The following PARD3B variants were observed in gnomAD, a reference collection of about 807,000 sequenced individuals.
PARD3B encodes the protein par-3 family cell polarity regulator beta, also known as partitioning defective 3 homolog B.
PARD3B carries 103 observed loss-of-function variants against 130.2 expected under a neutral mutation model. The observed-to-expected ratio is 0.79, with a 90% CI of 0.67 to 0.93. PARD3B has a LOEUF of 0.93. Among genes scored for constraint, PARD3B ranks in the 40% least tolerant of loss-of-function variants. The pLI is 0.00. For missense variants in PARD3B, 1,609 were observed against 1,499.2 expected, an observed-to-expected ratio of 1.07 and a Z score of -1.21; for synonymous variants, 583 against 553.2, an observed-to-expected ratio of 1.05 and a Z score of -0.76.
intron 1 of PARD3B, among the ~76,000 whole-genome samples, chr2:204,668,571 G>T (rs1432361332): frequency 6.6e-6 from 1 of 152,102 alleles, no homozygotes; most frequent in Non-Finnish European, 1.5e-5. Context: ...AGCTTAATTT[G>T]TAACCCTTTT....
chr2:204,620,688 G>A (rs1314172919), intron 1 of PARD3B, among the ~76,000 whole-genome samples: 2 of 152,112 alleles, frequency 1.3e-5, no homozygotes, highest in African/African-American at 4.8e-5. Context: ...TGTATAGAGG[G>A]CACTAACTGT....
intron 1 of PARD3B, among the ~76,000 whole-genome samples, chr2:204,562,276 G>A (rs1231468900): frequency 6.6e-6 from 1 of 152,142 alleles, no homozygotes; most frequent in African/African-American, 2.4e-5. Context: ...ACACAGGATG[G>A]ACCATCAGAT....
chr2:205,415,533 G>A (rs768425874), intron 19 of PARD3B, among the ~76,000 whole-genome samples: 15 of 152,088 alleles, frequency 9.9e-5, no homozygotes, highest in African/African-American at 3.1e-4. Flanking sequence ...TACGACTTAA[G>A]GTAAAAATGG....
At chr2:204,773,527 C>G (rs2041480967) in intron 2 of PARD3B, among the ~76,000 whole-genome samples, 1 of 152,076 alleles carries the variant, frequency 6.6e-6, no homozygotes, top group Non-Finnish European at 1.5e-5. Flanking sequence ...TTACAAAACT[C>G]AACGTTACTG....
intron 3 of PARD3B, among the ~76,000 whole-genome samples, chr2:204,988,487 G>C (rs1693371497): frequency 6.6e-6 from 1 of 152,232 alleles, no homozygotes; most frequent in Non-Finnish European, 1.5e-5. Context: ...ATAACTAAAA[G>C]ATTGTAATTG....
chr2:204,742,020 T>C (rs561681000), intron 2 of PARD3B, among the ~76,000 whole-genome samples: 3 of 152,162 alleles, frequency 2.0e-5, no homozygotes, highest in African/African-American at 7.2e-5. Flanking sequence ...TCACCCAGGA[T>C]CTACTTACTC....
intron 21 of PARD3B, among the ~76,000 whole-genome samples, chr2:205,534,836 C>T (rs973715240): frequency 1.3e-5 from 2 of 152,176 alleles, no homozygotes; most frequent in Admixed American, 6.5e-5. Flanking sequence ...ACGTATTCCT[C>T]ATGCTTAGAA....
intron 18 of PARD3B, among the ~76,000 whole-genome samples, chr2:205,388,463 G>A (rs181203463): frequency 2.4e-4 from 37 of 152,268 alleles, no homozygotes; most frequent in Admixed American, 2.4e-3. Flanking sequence ...TGGTCAAATT[G>A]TAAATCATCA....
rs200407876 is a variant in PARD3B, at chr2:205,301,800, C to T, written c.2630+99C>T. 161 of 1,569,908 alleles carry T rather than the reference C, an allele frequency of 1.0e-4. 1 individual carries two copies. Among genetic ancestry groups the T allele is most frequent in the East Asian group, 6.7e-5 (3 of 44,690 alleles). The stretch of plus-strand genomic sequence containing the variant: ...TCAGAAAAAAGCGCACGCTTTTCCT[C>T]GTCTTCAGCCAAATGCATACGGCTC... On this transcript the variant is annotated intron_variant, in intron 18 of 22. Transcript: ENST00000406610. This position sits in a 1 kb window ranked among gnomAD's most constrained non-coding sequence, Gnocchi z 5.2.
chr2:204,635,814 T>C (rs1319092647), intron 1 of PARD3B, among the ~76,000 whole-genome samples: 3 of 152,240 alleles, frequency 2.0e-5, no homozygotes, highest in African/African-American at 7.2e-5. Flanking sequence ...AAATGCTTTG[T>C]AAATTATTAA....
At chr2:205,162,780 A>G (rs534871487) in intron 11 of PARD3B, among the ~76,000 whole-genome samples, 2 of 152,308 alleles carry the variant, frequency 1.3e-5, no homozygotes, top group East Asian at 3.9e-4. Context: ...AAATGTCCCT[A>G]AATCCACATC....
intron 3 of PARD3B, among the ~76,000 whole-genome samples, chr2:204,975,271 T>G (rs189356858): frequency 6.6e-6 from 1 of 152,300 alleles, no homozygotes; most frequent in East Asian, 1.9e-4. Context: ...GATTCGACAG[T>G]CTTCATTGAC....
intron 16 of PARD3B, among the ~76,000 whole-genome samples, chr2:205,260,511 A>G (rs1282409873): frequency 6.6e-6 from 1 of 152,030 alleles, no homozygotes; most frequent in Non-Finnish European, 1.5e-5. Context: ...GGGAGGTCAT[A>G]TTTGGTTGGC....
chr2:205,132,492 T>G (rs2032092993), intron 10 of PARD3B, among the ~76,000 whole-genome samples: 1 of 152,120 alleles, frequency 6.6e-6, no homozygotes, highest in Non-Finnish European at 1.5e-5. Context: ...CCCTTTTATC[T>G]CAAAACTCCT....
intron 1 of PARD3B, among the ~76,000 whole-genome samples, chr2:204,546,648 G>A (rs2029961335): frequency 6.6e-6 from 1 of 152,176 alleles, no homozygotes; most frequent in African/African-American, 2.4e-5. Context: ...CTGTCTCAGT[G>A]ACTTGGGCAG....
intron 2 of PARD3B, among the ~76,000 whole-genome samples, chr2:204,863,506 T>G (rs897583257): frequency 1.3e-5 from 2 of 152,192 alleles, no homozygotes; most frequent in Non-Finnish European, 2.9e-5. Flanking sequence ...TATTTAAAAT[T>G]GTCACAGCTT....
intron 2 of PARD3B, among the ~76,000 whole-genome samples, chr2:204,827,902 A>G (rs957245045): frequency 3.3e-5 from 5 of 152,182 alleles, no homozygotes; most frequent in African/African-American, 1.2e-4. Context: ...TCAGTTTTTC[A>G]CTTGGAAAGC....
intron 22 of PARD3B, among the ~76,000 whole-genome samples, chr2:205,600,940 T>C (rs2054761378): frequency 6.6e-6 from 1 of 152,228 alleles, no homozygotes; most frequent in African/African-American, 2.4e-5. Context: ...GTCTTTGCAA[T>C]TGTGAATAGT....
At chr2:204,597,632 C>A (rs967031682) in intron 1 of PARD3B, among the ~76,000 whole-genome samples, 2 of 152,088 alleles carry the variant, frequency 1.3e-5, no homozygotes, top group Non-Finnish European at 1.5e-5. Flanking sequence ...CTTAAGTGGG[C>A]CAGTCAATAG....
Sources: gnomAD v4.1 joint callset for allele counts (sites outside exome capture counted in the v4.1 genomes callset) on GRCh38, gnomAD v4.1.1 for gene constraint, Gnocchi (gnomAD v3.1) non-coding constraint, MANE v1.5 for transcripts, NCBI Gene and HGNC (gene_info 2026-07-23, HGNC 2026-07-21) for gene names.